Variants in ARHGAP44 observed in about 807,000 individuals in gnomAD.
The protein encoded by ARHGAP44 is Rho GTPase activating protein 44.
A neutral mutation model predicts 106.8 loss-of-function variants in ARHGAP44; 43 were observed. That is an observed-to-expected ratio of 0.40 (90% confidence interval 0.32 to 0.52). ARHGAP44 has a LOEUF of 0.52. Among genes scored for constraint, ARHGAP44 ranks in the 20% least tolerant of loss-of-function variants. The pLI is 0.48. For synonymous variants in ARHGAP44, 439 were observed against 410.3 expected, an observed-to-expected ratio of 1.07 and a Z score of -0.85; for missense variants, 866 against 1,050.5, an observed-to-expected ratio of 0.82 and a Z score of 2.43.
At chr17:12,972,532 C>T (rs894697573) in intron 16 of ARHGAP44, among the ~76,000 whole-genome samples, 7 of 152,030 alleles carry the variant, frequency 4.6e-5, no homozygotes, top group Admixed American at 4.6e-4. Flanking sequence ...CCTGTAATCC[C>T]AGCTACTCGG....
At chr17:12,832,087 G>A (rs2035106271) in intron 1 of ARHGAP44, among the ~76,000 whole-genome samples, 1 of 152,178 alleles carries the variant, frequency 6.6e-6, no homozygotes, top group Non-Finnish European at 1.5e-5. Flanking sequence ...TACCAAGACA[G>A]GGGAACTTCA....
intron 3 of ARHGAP44, among the ~76,000 whole-genome samples, chr17:12,897,456 C>T (rs1410823993): frequency 6.6e-6 from 1 of 151,108 alleles, no homozygotes; most frequent in African/African-American, 2.4e-5. Flanking sequence ...TTTTCCAAGC[C>T]CTGGTTTCTT....
chr17:12,918,111 C>G (rs1239022709), intron 5 of ARHGAP44, among the ~76,000 whole-genome samples: 1 of 152,180 alleles, frequency 6.6e-6, no homozygotes, highest in Admixed American at 6.5e-5. Flanking sequence ...AAAGGAGGGT[C>G]CCGGGTCTGG....
chr17:12,865,504 G>T (rs1407960521), intron 1 of ARHGAP44, among the ~76,000 whole-genome samples: 3 of 152,084 alleles, frequency 2.0e-5, no homozygotes, highest in African/African-American at 4.8e-5. Context: ...GAAATCAGTA[G>T]TGAGGCTGGG....
chr17:12,968,769 T>TTC lies in ARHGAP44; in HGVS notation c.1524-4532_1524-4531insCT, dbSNP rs1378760076. The stretch of plus-strand genomic sequence containing the variant: ...TTCTTTTTCTTTTTCTTTTATTTCT[T>TTC]TTCTTTTTTTTTTTTTTTGATACAG... On this transcript the variant is annotated intron_variant, in intron 16 of 20. Coordinates refer to ENST00000379672, the MANE Select transcript of ARHGAP44 (RefSeq NM_014859.6). 7.6e-4 allele frequency among the ~76,000 whole-genome samples: 92 copies of TTC among 120,348 alleles called. 1 individual carries two copies. Among genetic ancestry groups the TTC allele is most frequent in the African/African-American group, 2.6e-3 (89 of 34,124 alleles). The allele number at this position is 120,348 out of a possible 152,430, so 79.0% of individuals were successfully genotyped here.
intron 1 of ARHGAP44, among the ~76,000 whole-genome samples, chr17:12,888,169 T>C (rs139250861): frequency 1.0e-3 from 152 of 152,262 alleles, no homozygotes; most frequent in African/African-American, 3.6e-3. Context: ...CTTTATTTGG[T>C]CTTTTTTCTA....
intron 17 of ARHGAP44, 129 bp from the exon 18 acceptor site, chr17:12,973,960 C>G (rs2143334088): frequency 9.8e-7 from 1 of 1,018,224 alleles, no homozygotes; most frequent in South Asian, 1.5e-5. Context: ...GCATCGCTTC[C>G]CGGGCCCCCG....
At chr17:12,989,101 C>A (rs200180856) in intron 20 of ARHGAP44, among the ~76,000 whole-genome samples, 83 of 45,176 alleles carry the variant, frequency 1.8e-3, no homozygotes, top group South Asian at 0.01. Flanking sequence ...CCACCCCCCC[C>A]AAAAAAAAAA....
rs571794720 is a variant in ARHGAP44 at position 12,950,545 on chromosome 17, C to A, written c.1055+815C>A. ...GTCCTGGCTTATTTCCTCGGTTATGCGTGCATTAGGATGGCATTGTATGTT... is the reference window on the plus strand; with the variant it reads ...GTCCTGGCTTATTTCCTCGGTTATGAGTGCATTAGGATGGCATTGTATGTT... On this transcript the variant is annotated intron_variant, in intron 12 of 20. Coordinates refer to ENST00000379672, the MANE Select transcript of ARHGAP44 (RefSeq NM_014859.6). Among the ~76,000 whole-genome samples, 24 of 152,282 alleles carry A rather than the reference C, an allele frequency of 1.6e-4. No individual in the cohort carries two copies. The South Asian group carries it at 5.0e-3, about 32-fold the overall frequency.
intron 1 of ARHGAP44, among the ~76,000 whole-genome samples, chr17:12,876,909 C>CAAAAAA (rs59331390): frequency 1.1e-5 from 1 of 90,702 alleles, no homozygotes; most frequent in Non-Finnish European, 2.3e-5. Context: ...GACTCCGTCT[C>CAAAAAA]AAAAAAAAAA....
At chr17:12,804,473 A>G (rs1219124297) in intron 1 of ARHGAP44, among the ~76,000 whole-genome samples, 1 of 152,200 alleles carries the variant, frequency 6.6e-6, no homozygotes, top group Admixed American at 6.5e-5. Context: ...ACCTGGGCAA[A>G]TCAGAGTTTT....
At chr17:12,869,410 A>G (rs769111820) in intron 1 of ARHGAP44, among the ~76,000 whole-genome samples, 19 of 146,440 alleles carry the variant, frequency 1.3e-4, no homozygotes, top group Non-Finnish European at 2.1e-4. Flanking sequence ...AAATATTCCA[A>G]TCTTCACTAT....
chr17:12,809,522 A>C (rs2034376881), intron 1 of ARHGAP44, among the ~76,000 whole-genome samples: 1 of 152,168 alleles, frequency 6.6e-6, no homozygotes, highest in Non-Finnish European at 1.5e-5. Context: ...AGACCTCATG[A>C]AACTTATTCA....
chr17:12,955,813 G>T, intron 13 of ARHGAP44, 54 bp from the exon 14 acceptor site: 3 of 1,110,410 alleles, frequency 2.7e-6, no homozygotes, highest in South Asian at 2.7e-5. Context: ...GTCCCCGGGG[G>T]ACATGGCTGG....
chr17:12,793,823 T>C (rs2033839468), intron 1 of ARHGAP44, among the ~76,000 whole-genome samples: 1 of 152,228 alleles, frequency 6.6e-6, no homozygotes, highest in Non-Finnish European at 1.5e-5. Context: ...CTTTAAACTC[T>C]TTGGAGGCAG....
At chr17:12,894,326 A>AGC (rs372213290) in intron 1 of ARHGAP44, among the ~76,000 whole-genome samples, 11 of 150,586 alleles carry the variant, frequency 7.3e-5, no homozygotes, top group Admixed American at 4.0e-4. Flanking sequence ...AGAGAGAGAG[A>AGC]GCGTTAAATC....
At chr17:12,923,502 C>T (rs957925265) in intron 6 of ARHGAP44, among the ~76,000 whole-genome samples, 2 of 151,958 alleles carry the variant, frequency 1.3e-5, no homozygotes, top group Non-Finnish European at 2.9e-5. Flanking sequence ...CAGGCGTGAG[C>T]CACTGTGCCC....
chr17:12,853,522 A>G (rs1280622074), intron 1 of ARHGAP44, among the ~76,000 whole-genome samples: 1 of 152,202 alleles, frequency 6.6e-6, no homozygotes, highest in African/African-American at 2.4e-5. Flanking sequence ...AAGGTTTGGC[A>G]GTCACAGAGG....
chr17:12,970,222 C>T (rs927403589), intron 16 of ARHGAP44, among the ~76,000 whole-genome samples: 5 of 151,696 alleles, frequency 3.3e-5, no homozygotes, highest in Non-Finnish European at 4.4e-5. Flanking sequence ...GAAAATTAGC[C>T]AGATGTGGTG....
Sources: gnomAD v4.1 joint callset for allele counts (sites outside exome capture counted in the v4.1 genomes callset) on GRCh38, gnomAD v4.1.1 for gene constraint, MANE v1.5 for transcripts, NCBI Gene and HGNC (gene_info 2026-07-23, HGNC 2026-07-21) for gene names.